ZNF415: variants seen among roughly 807,000 people sequenced by gnomAD.
ZNF415 encodes zinc finger protein 415.
ZNF415 carries 5 observed loss-of-function variants against 7.3 expected under a neutral mutation model. The observed-to-expected ratio is 0.69, with a 90% CI of 0.36 to 1.44. The LOEUF is 1.44. Among genes scored for constraint, ZNF415 ranks in the 40% most tolerant of loss-of-function variants. The probability of loss-of-function intolerance (pLI) is 0.04; values close to 1 mark genes in which losing one functional copy is unlikely to be tolerated. For synonymous variants in ZNF415, 207 were observed against 226.3 expected (o/e 0.91, Z 0.77); for missense variants, 628 against 664.8 (o/e 0.94, Z 0.61).
In ZNF415 at chr19:53,122,666, G is replaced by A. The variant is rs1397479445; in HGVS notation, c.11C>T (p.Thr4Ile). Reference sequence around the variant, plus strand: ...CCACACAGAATCTTTCTTTACCTGAGTAAAAGCCATTCCTGACTCCTTTGC... The same window carrying A: ...CCACACAGAATCTTTCTTTACCTGAATAAAAGCCATTCCTGACTCCTTTGC... MAF[T>I]QLTFRDVAIE... Residue 4 changes from threonine (T) to isoleucine (I), a missense_variant, in exon 2 of 4, where the codon ACT (threonine) becomes ATT (isoleucine). Thr to Ile is a moderately conservative substitution (Grantham distance 89). Coordinates refer to ENST00000243643, the MANE Select transcript of ZNF415 (RefSeq NM_018355.4). 4 of 1,614,066 alleles carry A rather than the reference G, an allele frequency of 2.5e-6. No homozygotes were observed. In the African/African-American group the frequency reaches 5.3e-5, roughly 22 times the overall value.
chr19:53,120,812 G>A (rs1252005053), intron 2 of ZNF415, among the ~76,000 whole-genome samples: 3 of 152,004 alleles, frequency 2.0e-5, no homozygotes, highest in Non-Finnish European at 2.9e-5. Context: ...TTGGCTGGGC[G>A]CGGTGGCTCA....
chr19:53,109,843 A>T lies in ZNF415; in HGVS notation c.202T>A (p.Phe68Ile). 3 of 1,613,024 alleles carry T rather than the reference A, an allele frequency of 1.9e-6. No individual in the cohort carries two copies. Among genetic ancestry groups the T allele is most frequent in the Non-Finnish European group, 2.5e-6 (3 of 1,179,698 alleles). ...TGTTGTTCCAATGTCACTGTGTGGA[A>T]TACTTCTCCTGGGTTACCTTCCTGT... ...PQQEGNPGEV[F>I]HTVTLEQHEK... The change falls in exon 4 of 4, where the codon TTC (phenylalanine) becomes ATC (isoleucine). Residue 68 changes from phenylalanine to isoleucine, a missense_variant. Transcript: ENST00000243643.
chr19:53,123,824 C>T (rs12972000), intron 1 of ZNF415: 5 of 360,100 alleles, frequency 1.4e-5, no homozygotes, highest in Non-Finnish European at 2.4e-5. Flanking sequence ...GAAAGTCCCA[C>T]GAAATACATG....
At position 53,115,545 on chromosome 19, in the gene ZNF415, C is replaced by T. The variant is rs534976522; in HGVS notation, c.136+768G>A. ...GACAGCAAAAGGATCAACTATGACA[C>T]GTCTCAAGAGCAGAGGGAGAAGTAG... On this transcript the variant is annotated intron_variant, in intron 3 of 3. Coordinates refer to ENST00000243643, the MANE Select transcript of ZNF415 (RefSeq NM_018355.4). 1.4e-4 allele frequency among the ~76,000 whole-genome samples: 21 copies of T among 152,248 alleles called. No individual in the cohort carries two copies. In the South Asian group the frequency reaches 3.3e-3, roughly 24 times the overall value.
intron 3 of ZNF415, 113 bp from the exon 4 acceptor site, chr19:53,110,021 A>C: frequency 1.3e-6 from 1 of 799,332 alleles, no homozygotes; most frequent in South Asian, 2.4e-5. Flanking sequence ...CAGAGTTATA[A>C]AACTTCCCAA....
rs1236943042 is a variant in ZNF415 at position 53,109,891 on chromosome 19, C to G, written c.154G>C (p.Val52Leu). The stretch of plus-strand genomic sequence containing the variant: ...TGTTGTGGTGCTAGTTCCTTGATTA[C>G]ACAGTTACGAGACAGATCTATAAGA... ...LVSLDLSRNC[V>L]IKELAPQQEG... The change falls in exon 4 of 4, where the codon GTA becomes CTA. Residue 52 changes from valine to leucine, a missense_variant. Val to Leu is a conservative substitution (Grantham distance 32). Coordinates refer to ENST00000243643, the MANE Select transcript of ZNF415 (RefSeq NM_018355.4). 1.9e-6 allele frequency: 3 copies of G among 1,591,362 alleles called. No homozygotes were observed. Among genetic ancestry groups the G allele is most frequent in the Non-Finnish European group, 2.6e-6 (3 of 1,172,404 alleles).
In ZNF415 at chr19:53,108,932, A is replaced by C; in HGVS notation, c.1113T>G (p.Leu371=). ...CAGTGTGAATTCTCTGATGAGTTGCAAGGCTTGAAGTCTGACTGAACACCT... is the reference window on the plus strand; with the variant it reads ...CAGTGTGAATTCTCTGATGAGTTGCCAGGCTTGAAGTCTGACTGAACACCT... ...CGKVFSQTSS[L]ATHQRIHTGE... The change falls in exon 4 of 4, where the codon CTT becomes CTG. Residue 371 remains leucine, a synonymous_variant. Transcript: ENST00000243643. The C allele has an allele frequency of 1.2e-6, 2 of 1,614,088 alleles. No homozygotes were observed. The highest frequency in any genetic ancestry group is 8.5e-7 in the Non-Finnish European group (1 of 1,179,994).
At chr19:53,127,661 G>T (rs538774352) in intron 1 of ZNF415, among the ~76,000 whole-genome samples, 7 of 152,094 alleles carry the variant, frequency 4.6e-5, no homozygotes, top group Admixed American at 3.3e-4. Flanking sequence ...GGCAGATCAC[G>T]AAGTCAGGAG....
chr19:53,122,517 G>A (rs1431133701), intron 2 of ZNF415, 145 bp downstream of exon 2: 10 of 1,593,552 alleles, frequency 6.3e-6, no homozygotes, highest in Non-Finnish European at 8.5e-6. Flanking sequence ...GAGATGAGAA[G>A]GACTGAGGGA....
rs557349561 is a variant in ZNF415 at position 53,132,801 on chromosome 19, C to T, written c.-68+55G>A. 6.6e-5 allele frequency: 10 copies of T among 152,544 alleles called. No homozygotes were observed. The South Asian group carries it at 1.2e-3, about 19-fold the overall frequency. The allele number at this position is 152,544 out of a possible 1,614,324, so 9.4% of individuals were successfully genotyped here. On this transcript the variant is annotated intron_variant, in intron 1 of 3. Coordinates refer to ENST00000243643, the MANE Select transcript of ZNF415 (RefSeq NM_018355.4). ...GGGCCGTATCGACCCTGGACATCGG[C>T]TGTGGAAATGGGAAACAGGGAGCGC... is the stretch of plus-strand genomic sequence containing the variant.
chr19:53,118,594 CT>C (rs2087427853), intron 2 of ZNF415, among the ~76,000 whole-genome samples: 1 of 152,024 alleles, frequency 6.6e-6, no homozygotes, highest in Admixed American at 6.6e-5. Flanking sequence ...ATCTTAGTAT[CT>C]TCTTAGAACA....
chr19:53,122,551 C>T lies in ZNF415; in HGVS notation c.15+111G>A, dbSNP rs374946003. 652 of 1,601,140 alleles carry T rather than the reference C, an allele frequency of 4.1e-4. 4 individuals are homozygous for T. In the African/African-American group the frequency reaches 6.4e-3, roughly 16 times the overall value. On this transcript the variant is annotated intron_variant, in intron 2 of 3. Coordinates refer to ENST00000243643, the MANE Select transcript of ZNF415 (RefSeq NM_018355.4). ...GAAGGCACGGGTCAATGTGAGCAAA[C>T]GCGTCAGGCAGGATGCTTCAGACTC... is the stretch of plus-strand genomic sequence containing the variant.
chr19:53,109,427 T>A lies in ZNF415; in HGVS notation c.618A>T (p.Glu206Asp). ...GTTTTTCCCTAATGCATGATTTCTG[T>A]TCTTGTGTGAGTAATGAAGAACAGA... The part of the protein sequence containing the change: ...DFICSSLLTQ[E>D]QKSCIREKPY... Residue 206 changes from glutamate (E) to aspartate (D), a missense_variant, in exon 4 of 4, where the codon GAA becomes GAT. Physicochemically the swap from Glu to Asp is conservative, Grantham distance 45 (BLOSUM62 2). Transcript: ENST00000243643. 1 of 1,614,172 alleles carries A rather than the reference T, an allele frequency of 6.2e-7. No homozygotes were observed. Among genetic ancestry groups the A allele is most frequent in the Admixed American group, 1.7e-5 (1 of 60,026 alleles).
chr19:53,123,361 G>C, intron 1 of ZNF415: 2 of 396,488 alleles, frequency 5.0e-6, no homozygotes, highest in South Asian at 1.4e-4. Context: ...AGAATCAAGA[G>C]AAGCATGCAG....
intron 1 of ZNF415, among the ~76,000 whole-genome samples, chr19:53,131,248 C>T (rs2090038084): frequency 6.6e-6 from 1 of 151,770 alleles, no homozygotes; most frequent in Admixed American, 6.6e-5. Flanking sequence ...CTTTACTCTC[C>T]CACTCCCCCT....
intron 1 of ZNF415, among the ~76,000 whole-genome samples, chr19:53,123,143 G>A (rs573145784): frequency 1.3e-4 from 20 of 152,218 alleles, no homozygotes; most frequent in East Asian, 3.9e-4. Flanking sequence ...CTGTATTATC[G>A]AGGGTGGGTC....
At position 53,109,803 on chromosome 19, in the gene ZNF415, A is replaced by G; in HGVS notation, c.242T>C (p.Ile81Thr). The G allele has an allele frequency of 1.9e-6, 3 of 1,613,970 alleles. No homozygotes were observed. Among genetic ancestry groups the G allele is most frequent in the South Asian group, 2.2e-5 (2 of 91,068 alleles). Residue 81 changes from isoleucine (I) to threonine (T), a missense_variant, in exon 4 of 4, where the codon ATT becomes ACT. Coordinates refer to ENST00000243643, the MANE Select transcript of ZNF415 (RefSeq NM_018355.4). ...VTLEQHEKHD[I>T]EEFCFREIKK... The stretch of plus-strand genomic sequence containing the variant: ...GATTTCCCTGAAGCAAAACTCTTCA[A>G]TGTCATGTTTTTCATGTTGTTCCAA...
At chr19:53,116,824 T>G (rs1189411704) in intron 2 of ZNF415, among the ~76,000 whole-genome samples, 1 of 151,962 alleles carries the variant, frequency 6.6e-6, no homozygotes, top group Admixed American at 6.6e-5. Flanking sequence ...AAGAAAAAAT[T>G]TCAGAACTTG....
At position 53,109,327 on chromosome 19, in the gene ZNF415, C is replaced by T. The variant is rs1251300789; in HGVS notation, c.718G>A (p.Gly240Arg). 10 of 1,614,116 alleles carry T rather than the reference C, an allele frequency of 6.2e-6. 1 individual carries two copies. The South Asian group carries it at 1.1e-4, about 18-fold the overall frequency. The change falls in exon 4 of 4, where the codon GGA becomes AGA. Residue 240 changes from glycine (G) to arginine (R), a missense_variant. Gly to Arg is a moderately radical substitution (Grantham distance 125). Transcript: ENST00000243643. ...AGATCACATTTATATCCTTTCTCTCCAGAATGACTTACCTGACGTACAGTC... is the reference window on the plus strand; with the variant it reads ...AGATCACATTTATATCCTTTCTCTCTAGAATGACTTACCTGACGTACAGTC... ...HMTVRQVSHS[G>R]EKGYKCDLCG...
Sources: allele counts gnomAD v4.1 joint callset (sites outside exome capture counted in the v4.1 genomes callset), GRCh38; gene constraint gnomAD v4.1.1; transcripts MANE v1.5; gene names NCBI Gene and HGNC (gene_info 2026-07-23, HGNC 2026-07-21).